Variants in RLF observed in about 807,000 individuals in gnomAD.
RLF encodes zinc finger protein Rlf.
A neutral mutation model predicts 162.9 loss-of-function variants in RLF; 7 were observed. The ratio of observed to expected loss-of-function variants is 0.04; its 90% confidence interval spans 0.02 to 0.08. The LOEUF is 0.08. RLF is among the 10% of genes least tolerant of loss of function. The pLI is 1.00. For missense variants in RLF, 1,664 were observed against 2,244.7 expected (o/e 0.74, Z 5.23); for synonymous variants, 782 against 791.5 (o/e 0.99, Z 0.20).
intron 5 of RLF, among the ~76,000 whole-genome samples, chr1:40,212,473 G>A (rs72937400): frequency 1.3e-5 from 2 of 152,210 alleles, no homozygotes; most frequent in African/African-American, 4.8e-5. Context: ...CAGTGGCTCA[G>A]TGTCCCAAGT....
intron 1 of RLF, among the ~76,000 whole-genome samples, chr1:40,186,268 G>T (rs1642479029): frequency 6.6e-6 from 1 of 152,024 alleles, no homozygotes; most frequent in South Asian, 2.1e-4. Context: ...GATAGAATGA[G>T]ACTCTATCTC....
At chr1:40,208,392 A>G (rs1642824429) in intron 5 of RLF, among the ~76,000 whole-genome samples, 1 of 152,240 alleles carries the variant, frequency 6.6e-6, no homozygotes, top group Admixed American at 6.5e-5. Context: ...AATGCTTTGC[A>G]CTGCCTGTCT....
chr1:40,213,904 CG>C (rs1415920817), intron 5 of RLF, among the ~76,000 whole-genome samples: 1 of 152,192 alleles, frequency 6.6e-6, no homozygotes, highest in Non-Finnish European at 1.5e-5. Flanking sequence ...AACTTAGGAA[CG>C]TAAGTATGCT....
intron 1 of RLF, among the ~76,000 whole-genome samples, chr1:40,185,843 C>CAAAAAAA (rs33982008): frequency 5.9e-5 from 4 of 67,524 alleles, no homozygotes; most frequent in Admixed American, 2.3e-4. Flanking sequence ...AAAAAAAAAG[C>CAAAAAAA]AAAAAAAAAA....
At chr1:40,208,166 G>A (rs1642821081) in intron 5 of RLF, among the ~76,000 whole-genome samples, 1 of 152,216 alleles carries the variant, frequency 6.6e-6, no homozygotes, top group Admixed American at 6.5e-5. Context: ...GGCAGGGAAA[G>A]TATAGATAGA....
intron 1 of RLF, among the ~76,000 whole-genome samples, chr1:40,162,618 A>T (rs932882532): frequency 2.0e-5 from 3 of 152,192 alleles, no homozygotes; most frequent in African/African-American, 7.2e-5. Flanking sequence ...GCGTTCTAAA[A>T]TAATAATTTT....
At chr1:40,214,737 A>C (rs1242841066) in intron 5 of RLF, among the ~76,000 whole-genome samples, 1 of 151,836 alleles carries the variant, frequency 6.6e-6, no homozygotes, top group Non-Finnish European at 1.5e-5. Context: ...CATGTGCAAC[A>C]TGTAGAGACC....
At chr1:40,218,751 A>G (rs79822568) in intron 5 of RLF, among the ~76,000 whole-genome samples, 7,372 of 151,880 alleles carry the variant, frequency 0.049, 587 homozygotes, top group African/African-American at 0.17. Flanking sequence ...TCTTATAGTT[A>G]TTTTTCATTC....
chr1:40,225,962 G>A (rs1461061534), intron 6 of RLF, among the ~76,000 whole-genome samples: 2 of 150,580 alleles, frequency 1.3e-5, no homozygotes, highest in Non-Finnish European at 2.9e-5. Flanking sequence ...TGAGGCAGGA[G>A]AATCGCTTGA....
At chr1:40,186,689 G>A (rs1334609058) in intron 1 of RLF, among the ~76,000 whole-genome samples, 1 of 152,208 alleles carries the variant, frequency 6.6e-6, no homozygotes, top group Non-Finnish European at 1.5e-5. Context: ...TGAAAGCTCT[G>A]TGAGGATAGG....
chr1:40,177,292 CTTT>C (rs552640229), intron 1 of RLF, among the ~76,000 whole-genome samples: 3 of 144,046 alleles, frequency 2.1e-5, no homozygotes, highest in Non-Finnish European at 3.1e-5. Flanking sequence ...TTCTTTCTTT[CTTT>C]TTTTTTTTTT....
At chr1:40,166,683 G>A (rs574035545) in intron 1 of RLF, among the ~76,000 whole-genome samples, 1 of 152,162 alleles carries the variant, frequency 6.6e-6, no homozygotes, top group African/African-American at 2.4e-5. Flanking sequence ...CATAAAAAAG[G>A]ATGAGTTCAT....
At chr1:40,234,175 C>T (rs766660927) in intron 7 of RLF, among the ~76,000 whole-genome samples, 1 of 152,164 alleles carries the variant, frequency 6.6e-6, no homozygotes, top group Non-Finnish European at 1.5e-5. Context: ...GTCTTAAACT[C>T]CATGCCTCAA....
At chr1:40,193,127 CAAAAAAAAA>C (rs76035508) in intron 3 of RLF, among the ~76,000 whole-genome samples, 1 of 65,168 alleles carries the variant, frequency 1.5e-5, no homozygotes, top group Non-Finnish European at 3.2e-5. Flanking sequence ...GTGGTCTTAG[CAAAAAAAAA>C]AAAAAAAAAA....
At chr1:40,178,778 C>T (rs1557739879) in intron 1 of RLF, among the ~76,000 whole-genome samples, 1 of 151,480 alleles carries the variant, frequency 6.6e-6, no homozygotes, top group Non-Finnish European at 1.5e-5. Context: ...CCCGCCTTGG[C>T]CTCCCAAAGT....
intron 4 of RLF, among the ~76,000 whole-genome samples, chr1:40,196,078 CT>C (rs1048689494): frequency 4.8e-4 from 70 of 145,172 alleles, no homozygotes; most frequent in East Asian, 7.9e-4. Flanking sequence ...CTTTTCTTTT[CT>C]TTTTTTTTTT....
At chr1:40,209,873 G>A (rs1426736373) in intron 5 of RLF, among the ~76,000 whole-genome samples, 30 of 143,080 alleles carry the variant, frequency 2.1e-4, no homozygotes, top group African/African-American at 6.8e-4. Context: ...GCGAGACTCC[G>A]TCTTAAAAAA....
At chr1:40,221,703 A>T (rs1436690993) in intron 5 of RLF, among the ~76,000 whole-genome samples, 3 of 151,852 alleles carry the variant, frequency 2.0e-5, no homozygotes, top group African/African-American at 4.8e-5. Context: ...GATTGAGACC[A>T]TCCTGGCTAA....
chr1:40,224,151 G>A (rs1442346391), intron 6 of RLF, among the ~76,000 whole-genome samples: 2 of 152,118 alleles, frequency 1.3e-5, no homozygotes, highest in African/African-American at 4.8e-5. Context: ...AGTGGCTCTA[G>A]GATTAATGCT....
Sources: allele counts gnomAD v4.1 joint callset (sites outside exome capture counted in the v4.1 genomes callset), GRCh38; gene constraint gnomAD v4.1.1; transcripts MANE v1.5; gene names NCBI Gene and HGNC (gene_info 2026-07-23, HGNC 2026-07-21).